EVC: variants seen among roughly 807,000 people sequenced by gnomAD.
EVC encodes EvC ciliary complex subunit 1, also known as evC complex member EVC.
In EVC, 116 loss-of-function variants were observed where a neutral mutation model predicts 118.9. The ratio of observed to expected loss-of-function variants is 0.98; its 90% CI spans 0.84 to 1.14. The LOEUF (loss-of-function observed/expected upper bound fraction) is 1.14. Ranked by LOEUF, EVC falls within the 50% of genes most tolerant of loss-of-function variation. EVC has a pLI of 0.00. For synonymous variants in EVC, 619 were observed against 534.7 expected (o/e 1.16, Z -2.18); for missense variants, 1,401 against 1,246.4 (o/e 1.12, Z -1.87).
intron 11 of EVC, among the ~76,000 whole-genome samples, chr4:5,782,172 C>G (rs1735693845): frequency 6.6e-6 from 1 of 152,086 alleles, no homozygotes; most frequent in Non-Finnish European, 1.5e-5. Context: ...GGACCAGCTT[C>G]AAGTGATTCT....
At chr4:5,734,365 G>C (rs1027858601) in intron 5 of EVC, among the ~76,000 whole-genome samples, 1 of 152,156 alleles carries the variant, frequency 6.6e-6, no homozygotes, top group African/African-American at 2.4e-5. Context: ...TGGAGGCCAG[G>C]CATGGTGGCT....
At chr4:5,793,781 T>A in intron 13 of EVC, 64 bp downstream of exon 13, 2 of 1,267,770 alleles carry the variant, frequency 1.6e-6, no homozygotes, top group Non-Finnish European at 2.2e-6. Context: ...CCAGCCTCAG[T>A]GTCCTCATCT....
At chr4:5,776,783 T>C (rs1734777276) in intron 11 of EVC, among the ~76,000 whole-genome samples, 2 of 152,210 alleles carry the variant, frequency 1.3e-5, no homozygotes, top group Non-Finnish European at 2.9e-5. Context: ...TAAACTGCTA[T>C]TAAACCTGTA....
rs1257339432 is a variant in EVC at position 5,742,058 on chromosome 4, C to CACTGTTAATGTTTTTT, written c.801+245_801+260dup. 1.3e-5 allele frequency among the ~76,000 whole-genome samples: 2 copies of CACTGTTAATGTTTTTT among 152,112 alleles called. No homozygotes were observed. Among genetic ancestry groups the CACTGTTAATGTTTTTT allele is most frequent in the Non-Finnish European group, 2.9e-5 (2 of 68,020 alleles). ...GTCATATCTACTACTCAAAGACGGT[C>CACTGTTAATGTTTTTT]ACTGTTAATGTTTTTTTCTGCACAC... is the stretch of plus-strand genomic sequence containing the variant. On this transcript the variant is annotated intron_variant, in intron 6 of 20. Coordinates refer to ENST00000264956, the MANE Select transcript of EVC (RefSeq NM_153717.3). The surrounding 1 kb of genome is among the most constrained non-coding windows in gnomAD (Gnocchi z 5.2).
At chr4:5,769,566 A>G (rs1733625178) in intron 11 of EVC, among the ~76,000 whole-genome samples, 1 of 152,060 alleles carries the variant, frequency 6.6e-6, no homozygotes, top group Admixed American at 6.5e-5. Context: ...TCGGCACCTC[A>G]CAAACAGGTT....
chr4:5,825,383 G>C, the EVC span: 1 of 1,463,408 alleles, frequency 6.8e-7, no homozygotes, highest in South Asian at 1.6e-5. This position sits in a 1 kb window ranked among gnomAD's most constrained non-coding sequence, Gnocchi z 4.4. Flanking sequence ...TCCCTTCCCT[G>C]CTTCTTCATC....
At chr4:5,788,793 C>T (rs1350436998) in intron 12 of EVC, among the ~76,000 whole-genome samples, 1 of 152,216 alleles carries the variant, frequency 6.6e-6, no homozygotes, top group South Asian at 2.1e-4. Context: ...TCAACCCCCA[C>T]CCAGAGTGAT....
intron 11 of EVC, among the ~76,000 whole-genome samples, chr4:5,783,310 G>T (rs968229065): frequency 1.3e-5 from 2 of 148,566 alleles, no homozygotes; most frequent in East Asian, 1.9e-4. Context: ...GCATGTGTCT[G>T]TGTGTACAAG....
In EVC at chr4:5,808,216, G is replaced by A. The variant is rs1577663682; in HGVS notation, c.2577G>A (p.Gln859=). The change falls in exon 18 of 21, where the codon CAG becomes CAA. Residue 859 remains glutamine, a synonymous_variant. Coordinates refer to ENST00000264956, the MANE Select transcript of EVC (RefSeq NM_153717.3). Reference sequence around the variant, plus strand: ...CTCCCCCCAGGATGCTGTCCCAGCAGAAGAGGTTCCTGGCCCAGTTCCCAG... The same window carrying A: ...CTCCCCCCAGGATGCTGTCCCAGCAAAAGAGGTTCCTGGCCCAGTTCCCAG... The part of the protein sequence containing the change: ...QAVHQRMLSQ[Q]KRFLAQFPVH... The A allele has an allele frequency of 1.4e-6, 2 of 1,417,462 alleles. No individual in the cohort carries two copies. Among genetic ancestry groups the A allele is most frequent in the Non-Finnish European group, 1.9e-6 (2 of 1,060,728 alleles). 87.8% of individuals were successfully genotyped at this position (1,417,462 alleles called of 1,614,324 possible).
intron 13 of EVC, 29 bp downstream of exon 13, chr4:5,793,746 C>T: frequency 6.7e-7 from 1 of 1,501,300 alleles, no homozygotes; most frequent in African/African-American, 1.4e-5. Context: ...AGGCCCAGGG[C>T]TTTGTGTCCT....
At chr4:5,753,726 C>T in intron 9 of EVC, 59 bp from the exon 10 acceptor site, 3 of 1,608,282 alleles carry the variant, frequency 1.9e-6, no homozygotes, top group Non-Finnish European at 2.6e-6. Context: ...CATGAGGGTC[C>T]CCACTGAAAT....
Position 5,758,133 on chromosome 4 carries a change from A to G in EVC, c.1563+1771A>G, listed in dbSNP as rs6828631. On this transcript the variant is annotated intron_variant, in intron 11 of 20. Coordinates refer to ENST00000264956, the MANE Select transcript of EVC (RefSeq NM_153717.3). ...GGGAAGGAGGCTGTTTGAAGACAGA[A>G]GGAGGGACTGGAGTGATGCAGCCAC... 165,880 of 701,676 alleles carry G rather than the reference A, an allele frequency of 0.24. 20,893 individuals are homozygous for G. The highest frequency in any genetic ancestry group is 0.39 in the African/African-American group (22,380 of 57,152). 43.5% of individuals were successfully genotyped at this position (701,676 alleles called of 1,614,324 possible).
intron 12 of EVC, among the ~76,000 whole-genome samples, chr4:5,787,761 C>G (rs1711971860): frequency 6.6e-6 from 1 of 152,118 alleles, no homozygotes; most frequent in Admixed American, 6.5e-5. Context: ...GTAAAGAACA[C>G]CAGTGCTAGA....
intron 1 of EVC, among the ~76,000 whole-genome samples, chr4:5,713,059 A>C (rs192856097): frequency 6.6e-6 from 1 of 152,296 alleles, no homozygotes; most frequent in East Asian, 1.9e-4. Context: ...AGTATCTGCT[A>C]CCTGGTGAGG....
chr4:5,714,045 C>T (rs774486817), intron 1 of EVC, among the ~76,000 whole-genome samples: 4 of 152,234 alleles, frequency 2.6e-5, no homozygotes, highest in African/African-American at 7.2e-5. Context: ...CAAGACACCT[C>T]GCTGTTCCCC....
intron 11 of EVC, among the ~76,000 whole-genome samples, chr4:5,781,808 C>T (rs781318046): frequency 2.0e-5 from 3 of 151,992 alleles, no homozygotes; most frequent in South Asian, 4.2e-4. Context: ...CCAGCCTGGG[C>T]GACAGAGGGA....
At chr4:5,740,567 A>T (rs1459738877) in intron 5 of EVC, among the ~76,000 whole-genome samples, 1 of 152,154 alleles carries the variant, frequency 6.6e-6, no homozygotes, top group Admixed American at 6.5e-5. Context: ...CAAAAGCATG[A>T]CACACAGAAG....
chr4:5,824,544 C>G, the EVC span: 1 of 984,034 alleles, frequency 1.0e-6, no homozygotes, highest in Non-Finnish European at 1.2e-6. Context: ...ATCGCCTTTC[C>G]TGACCAGGAA....
At chr4:5,728,922 G>C (rs1260162789) in intron 2 of EVC, among the ~76,000 whole-genome samples, 1 of 152,130 alleles carries the variant, frequency 6.6e-6, no homozygotes, top group Non-Finnish European at 1.5e-5. Context: ...GCATTTGTCT[G>C]TTCATCCATC....
Sources: gnomAD v4.1 joint callset for allele counts (sites outside exome capture counted in the v4.1 genomes callset) on GRCh38, gnomAD v4.1.1 for gene constraint, Gnocchi (gnomAD v3.1) non-coding constraint, MANE v1.5 for transcripts, NCBI Gene and HGNC (gene_info 2026-07-23, HGNC 2026-07-21) for gene names.